KLF8: variants seen among roughly 807,000 people sequenced by gnomAD.
The protein encoded by KLF8 is Krueppel-like factor 8.
KLF8 carries 10 observed loss-of-function variants against 18.2 expected under a neutral mutation model. The observed-to-expected ratio is 0.55, with a 90% CI of 0.34 to 0.93. The LOEUF is 0.93. Among genes scored for constraint, KLF8 ranks in the 40% least tolerant of loss-of-function variants. KLF8 has a pLI of 0.02. For synonymous variants in KLF8, 109 were observed against 97.3 expected, an observed-to-expected ratio of 1.12 and a Z score of -0.71; for missense variants, 264 against 277.9, an observed-to-expected ratio of 0.95 and a Z score of 0.36.
chrX:56,208,946 T>A, the KLF8 span, among the ~76,000 whole-genome samples: 1 of 112,298 alleles, frequency 8.9e-6, no homozygotes, highest in African/African-American at 3.2e-5. Context: ...AGCTCTTGAA[T>A]AAAATATTCT....
chrX:56,042,238 C>A, the KLF8 span, among the ~76,000 whole-genome samples: 4 of 109,884 alleles, frequency 3.6e-5, no homozygotes, highest in African/African-American at 6.9e-5. Context: ...GTCTGAGAGG[C>A]TGTTTGTTAT....
At chrX:56,093,478 G>A in the KLF8 span, among the ~76,000 whole-genome samples, 1 of 110,216 alleles carries the variant, frequency 9.1e-6, no homozygotes, top group Non-Finnish European at 1.9e-5. Context: ...TAAAATGAAG[G>A]AGCAACAAAG....
the KLF8 span, among the ~76,000 whole-genome samples, chrX:55,963,201 A>G: frequency 1.1e-4 from 12 of 111,875 alleles, no homozygotes; most frequent in East Asian, 3.4e-3. Context: ...AAAGAACATA[A>G]TTTTCTGCTG....
chrX:56,237,683 A>G (rs1249677129), intron 1 of KLF8, among the ~76,000 whole-genome samples: 1 of 112,119 alleles, frequency 8.9e-6, no homozygotes, highest in Non-Finnish European at 1.9e-5. Flanking sequence ...ATTTGTAATA[A>G]CAATAAAAAC....
intron 5 of KLF8, 103 bp downstream of exon 5, chrX:56,270,424 G>C: frequency 1.1e-6 from 1 of 927,976 alleles, no homozygotes; most frequent in East Asian, 3.7e-5. Context: ...GAGAGAGAGG[G>C]GCAGAGAGAG....
At chrX:56,138,660 G>A in the KLF8 span, among the ~76,000 whole-genome samples, 1 of 110,779 alleles carries the variant, frequency 9.0e-6, no homozygotes, top group Admixed American at 9.7e-5. Context: ...ATTGAAGGAA[G>A]ATACCTCAAA....
chrX:55,963,707 A>G, the KLF8 span, among the ~76,000 whole-genome samples: 1 of 112,242 alleles, frequency 8.9e-6, no homozygotes, highest in African/African-American at 3.2e-5. Flanking sequence ...AGTGTTAAAC[A>G]TATCATAAAG....
chrX:56,077,882 G>T, the KLF8 span, among the ~76,000 whole-genome samples: 1 of 109,406 alleles, frequency 9.1e-6, no homozygotes, highest in Non-Finnish European at 1.9e-5. Flanking sequence ...GAATTCCTAG[G>T]TATTTTATTC....
the KLF8 span, among the ~76,000 whole-genome samples, chrX:56,053,496 G>A: frequency 1.9e-5 from 2 of 103,209 alleles, no homozygotes; most frequent in African/African-American, 3.4e-5. Flanking sequence ...TACTTGCTAG[G>A]TTTTGATGTC....
the KLF8 span, among the ~76,000 whole-genome samples, chrX:55,911,181 G>A: frequency 8.9e-6 from 1 of 112,054 alleles, no homozygotes; most frequent in Non-Finnish European, 1.9e-5. Context: ...TTAAGTGAAA[G>A]TGGATTATCA....
the KLF8 span, among the ~76,000 whole-genome samples, chrX:55,940,843 A>T: frequency 3.0e-4 from 34 of 111,608 alleles, no homozygotes; most frequent in East Asian, 2.2e-3. Flanking sequence ...CTTCAAGGAG[A>T]ACTACAAACC....
At chrX:56,180,780 GTTTC>G in the KLF8 span, among the ~76,000 whole-genome samples, 1 of 112,186 alleles carries the variant, frequency 8.9e-6, no homozygotes, top group Non-Finnish European at 1.9e-5. Flanking sequence ...TTTCAACTGA[GTTTC>G]TTAATCCTGA....
At chrX:55,975,733 T>C in the KLF8 span, among the ~76,000 whole-genome samples, 69 of 112,010 alleles carry the variant, frequency 6.2e-4, no homozygotes, top group Admixed American at 1.2e-3. Context: ...ACCCCTTGTG[T>C]CCTCATTTGT....
At chrX:56,149,084 G>C in the KLF8 span, among the ~76,000 whole-genome samples, 1 of 112,043 alleles carries the variant, frequency 8.9e-6, no homozygotes, top group Non-Finnish European at 1.9e-5. Context: ...GAAGCAGAAA[G>C]ACCAGTGAAG....
chrX:55,990,310 TC>T, the KLF8 span, among the ~76,000 whole-genome samples: 2 of 112,211 alleles, frequency 1.8e-5, no homozygotes, highest in Non-Finnish European at 3.8e-5. Flanking sequence ...CAATTTTAGA[TC>T]TTTCCTGCTT....
intron 5 of KLF8, among the ~76,000 whole-genome samples, chrX:56,282,373 T>A (rs1014090755): frequency 1.8e-5 from 2 of 112,456 alleles, no homozygotes; most frequent in Non-Finnish European, 3.7e-5. Flanking sequence ...TCTCATTACA[T>A]CCAGCTTTAT....
chrX:56,222,844 G>A, the KLF8 span, among the ~76,000 whole-genome samples: 4 of 113,085 alleles, frequency 3.5e-5, no homozygotes, highest in Non-Finnish European at 7.5e-5. Context: ...CGGCGGCTCC[G>A]AGTGCGGGGC....
At chrX:56,052,888 A>T in the KLF8 span, among the ~76,000 whole-genome samples, 1 of 110,957 alleles carries the variant, frequency 9.0e-6, no homozygotes, top group Non-Finnish European at 1.9e-5. Context: ...TTGCAGTTTG[A>T]TGTCAGACTG....
chrX:56,131,626 C>T, the KLF8 span, among the ~76,000 whole-genome samples: 78 of 111,375 alleles, frequency 7.0e-4, no homozygotes, highest in African/African-American at 2.1e-3. Context: ...TGGAATACTA[C>T]CTCACATCTC....
Sources: gnomAD v4.1 joint callset for allele counts (sites outside exome capture counted in the v4.1 genomes callset) on GRCh38, gnomAD v4.1.1 for gene constraint, MANE v1.5 for transcripts, NCBI Gene and HGNC (gene_info 2026-07-23, HGNC 2026-07-21) for gene names.